The following ITGBL1 variants were observed in gnomAD, a reference collection of about 807,000 sequenced individuals.
The protein encoded by ITGBL1 is integrin beta-like protein 1.
A neutral mutation model predicts 68.5 loss-of-function variants in ITGBL1; 51 were observed. That is an observed-to-expected ratio of 0.74 (90% CI 0.59 to 0.94). ITGBL1 has a LOEUF of 0.94. Among genes scored for constraint, ITGBL1 ranks in the 40% least tolerant of loss-of-function variants. ITGBL1 has a pLI of 0.00. For missense variants in ITGBL1, 649 were observed against 647.4 expected (o/e 1.00, Z -0.03); for synonymous variants, 209 against 227.3 (o/e 0.92, Z 0.72).
intron 7 of ITGBL1, among the ~76,000 whole-genome samples, chr13:101,685,434 A>T (rs1285669116): frequency 6.6e-6 from 1 of 152,030 alleles, no homozygotes; most frequent in African/African-American, 2.4e-5. Context: ...TGCATTTGTA[A>T]TTTTTAAAAT....
intron 7 of ITGBL1, among the ~76,000 whole-genome samples, chr13:101,600,565 G>C (rs1286176765): frequency 2.7e-5 from 4 of 149,306 alleles, no homozygotes; most frequent in Admixed American, 6.7e-5. Context: ...TATGATATTG[G>C]CTGTGGGTTT....
At chr13:101,460,355 C>T (rs992852331) in intron 2 of ITGBL1, among the ~76,000 whole-genome samples, 5 of 152,174 alleles carry the variant, frequency 3.3e-5, no homozygotes, top group Admixed American at 6.5e-5. Flanking sequence ...GTCTTCACAT[C>T]GCTTGTAGTT....
intron 2 of ITGBL1, among the ~76,000 whole-genome samples, chr13:101,470,819 A>C (rs1368971876): frequency 6.6e-6 from 1 of 152,206 alleles, no homozygotes; most frequent in African/African-American, 2.4e-5. Flanking sequence ...CTTATTCTTA[A>C]TTTGAAATAA....
intron 2 of ITGBL1, among the ~76,000 whole-genome samples, chr13:101,511,511 C>T (rs563273895): frequency 6.6e-6 from 1 of 152,192 alleles, no homozygotes; most frequent in East Asian, 1.9e-4. Context: ...AGTCCCTAGC[C>T]TTTTGTTTTG....
At chr13:101,475,629 T>C (rs1210168110) in intron 2 of ITGBL1, among the ~76,000 whole-genome samples, 3 of 152,040 alleles carry the variant, frequency 2.0e-5, no homozygotes, top group Non-Finnish European at 4.4e-5. Flanking sequence ...AGGAATTCAA[T>C]AGTCAAATTC....
chr13:101,527,098 T>C (rs2049393677), intron 2 of ITGBL1, among the ~76,000 whole-genome samples: 1 of 152,122 alleles, frequency 6.6e-6, no homozygotes, highest in Non-Finnish European at 1.5e-5. Context: ...ATCACATCTA[T>C]TAAGATAAAA....
chr13:101,453,908 C>T lies in ITGBL1; in HGVS notation c.124C>T (p.Leu42=), dbSNP rs756639799. Residue 42 remains leucine (L), a synonymous_variant, in exon 2 of 11, where the codon CTG becomes TTG. Coordinates refer to ENST00000376180, the MANE Select transcript of ITGBL1 (RefSeq NM_004791.3). ...GAGCTGGCCGGGCGCCGCCTGCAGG[C>T]TGTCCCGGGCCGAGTCGGAGCGACG... ...LRSWPGAACR[L]SRAESERRCR... 1.0e-5 allele frequency: 13 copies of T among 1,265,272 alleles called. No individual in the cohort carries two copies. Among genetic ancestry groups the T allele is most frequent in the African/African-American group, 1.6e-5 (1 of 64,276 alleles). 78.4% of individuals were successfully genotyped at this position (1,265,272 alleles called of 1,614,324 possible).
chr13:101,479,619 A>G (rs553083092), intron 2 of ITGBL1, among the ~76,000 whole-genome samples: 73 of 152,034 alleles, frequency 4.8e-4, no homozygotes, highest in African/African-American at 1.6e-3. Context: ...CAGGAAAAAA[A>G]AAATCTAAAA....
At chr13:101,553,304 G>A (rs1012027228) in intron 2 of ITGBL1, among the ~76,000 whole-genome samples, 5 of 152,070 alleles carry the variant, frequency 3.3e-5, no homozygotes, top group Non-Finnish European at 5.9e-5. Flanking sequence ...GGTATGTCAG[G>A]TACAATATTC....
At chr13:101,582,245 T>C (rs1018298678) in intron 5 of ITGBL1, among the ~76,000 whole-genome samples, 2 of 152,226 alleles carry the variant, frequency 1.3e-5, no homozygotes, top group Admixed American at 1.3e-4. Flanking sequence ...TACAGTGTTT[T>C]GTTTCCAACC....
chr13:101,650,785 T>C (rs927971736), intron 7 of ITGBL1, among the ~76,000 whole-genome samples: 5 of 152,106 alleles, frequency 3.3e-5, no homozygotes, highest in African/African-American at 1.2e-4. Flanking sequence ...ATGATATTCC[T>C]CCTCCCATGT....
chr13:101,609,023 C>T (rs1226720468), intron 7 of ITGBL1, among the ~76,000 whole-genome samples: 1 of 151,992 alleles, frequency 6.6e-6, no homozygotes, highest in Non-Finnish European at 1.5e-5. Flanking sequence ...GTCTTCCATG[C>T]ACCTTTGATC....
At chr13:101,636,600 C>A (rs930617807) in intron 7 of ITGBL1, among the ~76,000 whole-genome samples, 1 of 152,078 alleles carries the variant, frequency 6.6e-6, no homozygotes, top group Non-Finnish European at 1.5e-5. Context: ...TATTGACTTT[C>A]GTTGGAGACA....
chr13:101,508,299 A>G (rs2049057836), intron 2 of ITGBL1, among the ~76,000 whole-genome samples: 1 of 152,160 alleles, frequency 6.6e-6, no homozygotes, highest in African/African-American at 2.4e-5. Flanking sequence ...CAATTCACCA[A>G]AAGTTGTACA....
chr13:101,480,283 T>C (rs1390924669), intron 2 of ITGBL1, among the ~76,000 whole-genome samples: 1 of 151,974 alleles, frequency 6.6e-6, no homozygotes, highest in Non-Finnish European at 1.5e-5. Context: ...ATTGAATTCA[T>C]GGATACAGAG....
At position 101,629,352 on chromosome 13, in the gene ITGBL1, T is replaced by C. The variant is rs2139404900; in HGVS notation, c.1015+31053T>C. 2.6e-5 allele frequency among the ~76,000 whole-genome samples: 4 copies of C among 152,330 alleles called. No homozygotes were observed. In the South Asian group the frequency reaches 8.3e-4, roughly 32 times the overall value. On this transcript the variant is annotated intron_variant, in intron 7 of 10. Transcript: ENST00000376180. The stretch of plus-strand genomic sequence containing the variant: ...TTATTCCTGCCAACTTATTTTATCC[T>C]TTCTTCATACCATTTTTAATTTTGT...
chr13:101,666,210 C>A lies in ITGBL1; in HGVS notation c.1016-26375C>A, dbSNP rs564715094. Among the ~76,000 whole-genome samples the A allele has an allele frequency of 2.5e-4, 38 of 152,254 alleles. No homozygotes were observed. The South Asian group carries it at 5.8e-3, about 23-fold the overall frequency. On this transcript the variant is annotated intron_variant, in intron 7 of 10. Transcript: ENST00000376180. ...AGTAAGCTCACCTGGAACAGCCGGG[C>A]AGCCCCTGGAATCAAGTGCAGTACC...
chr13:101,688,254 T>C (rs2033802795), intron 7 of ITGBL1, among the ~76,000 whole-genome samples: 1 of 152,104 alleles, frequency 6.6e-6, no homozygotes, highest in Non-Finnish European at 1.5e-5. Context: ...CACTTGCTTA[T>C]CTAGTTTAAA....
chr13:101,604,186 A>G (rs2030554557), intron 7 of ITGBL1, among the ~76,000 whole-genome samples: 1 of 151,888 alleles, frequency 6.6e-6, no homozygotes, highest in Non-Finnish European at 1.5e-5. Context: ...ATGGTTTTTC[A>G]TTTGTCTCTA....
Sources: allele counts gnomAD v4.1 joint callset (sites outside exome capture counted in the v4.1 genomes callset), GRCh38; gene constraint gnomAD v4.1.1; transcripts MANE v1.5; gene names NCBI Gene and HGNC (gene_info 2026-07-23, HGNC 2026-07-21).